The following CCDC73 variants were observed in gnomAD, a reference collection of about 807,000 sequenced individuals.
CCDC73 encodes the protein coiled-coil domain-containing protein 73.
In CCDC73, 95 loss-of-function variants were observed where a neutral mutation model predicts 116.5. The observed-to-expected ratio is 0.82, with a 90% CI of 0.69 to 0.97. CCDC73 has a LOEUF of 0.97. CCDC73 is among the 50% of genes least tolerant of loss of function. CCDC73 has a pLI of 0.00. For missense variants in CCDC73, 1,066 were observed against 1,206.8 expected (o/e 0.88, Z 1.73); for synonymous variants, 398 against 401.3 (o/e 0.99, Z 0.10).
chr11:32,665,483 C>T (rs1855971913), intron 9 of CCDC73, among the ~76,000 whole-genome samples: 3 of 152,072 alleles, frequency 2.0e-5, no homozygotes, highest in Non-Finnish European at 2.9e-5. Flanking sequence ...ATTGCAACCC[C>T]TGTCTTTTTT....
intron 14 of CCDC73, among the ~76,000 whole-genome samples, chr11:32,633,441 T>C (rs1012720558): frequency 2.0e-5 from 3 of 152,148 alleles, no homozygotes; most frequent in Non-Finnish European, 4.4e-5. Flanking sequence ...CCCAACTGGC[T>C]CTTTTGGGGT....
Position 32,792,534 on chromosome 11 carries a change from T to C in CCDC73, c.-16+2079A>G, listed in dbSNP as rs554251887. ...TTTTGGCCACAGAAACCTTTTTTTA[T>C]TGAAGCATCTCACAGGACTAGTGCT... On this transcript the variant is annotated intron_variant, in intron 1 of 17. Transcript: ENST00000335185. Among the ~76,000 whole-genome samples, 3 of 152,334 alleles carry C rather than the reference T, an allele frequency of 2.0e-5. No homozygotes were observed. The East Asian group carries it at 5.8e-4, about 29-fold the overall frequency.
At chr11:32,655,052 TTC>T in intron 9 of CCDC73, 80 bp from the exon 10 acceptor site, 1 of 510,442 alleles carries the variant, frequency 2.0e-6, no homozygotes. Context: ...AGTTTCAAAG[TTC>T]ATCCTTAAGC....
intron 14 of CCDC73, among the ~76,000 whole-genome samples, chr11:32,632,628 A>G (rs545529836): frequency 1.9e-3 from 283 of 152,116 alleles, no homozygotes; most frequent in African/African-American, 6.6e-3. Flanking sequence ...GTATGTGTGT[A>G]TAATTGTTCT....
At chr11:32,733,987 G>C (rs1850103262) in intron 2 of CCDC73, among the ~76,000 whole-genome samples, 1 of 152,112 alleles carries the variant, frequency 6.6e-6, no homozygotes, top group African/African-American at 2.4e-5. Flanking sequence ...CCAGGAGCTG[G>C]TTTTTTGAAA....
intron 17 of CCDC73, chr11:32,606,402 A>G (rs962736633): frequency 1.3e-5 from 2 of 152,236 alleles, no homozygotes; most frequent in African/African-American, 4.8e-5. Flanking sequence ...CAGCCTTTAC[A>G]ATATGCAAAG....
At chr11:32,732,479 A>G (rs1850087911) in intron 2 of CCDC73, among the ~76,000 whole-genome samples, 2 of 152,164 alleles carry the variant, frequency 1.3e-5, no homozygotes, top group South Asian at 4.1e-4. Context: ...GATTCACCAA[A>G]GTTGAAATGA....
intron 9 of CCDC73, among the ~76,000 whole-genome samples, chr11:32,669,958 C>T (rs1019093742): frequency 6.6e-6 from 1 of 152,114 alleles, no homozygotes. Context: ...ATACTGATTT[C>T]TTTTTCTTTG....
At chr11:32,633,095 C>T (rs553773241) in intron 14 of CCDC73, among the ~76,000 whole-genome samples, 29 of 152,282 alleles carry the variant, frequency 1.9e-4, no homozygotes, top group Admixed American at 4.6e-4. Flanking sequence ...CACTCTGTTG[C>T]CAGGCTGGAG....
the CCDC73 span, among the ~76,000 whole-genome samples, chr11:32,810,428 G>A: frequency 6.6e-6 from 1 of 152,134 alleles, no homozygotes; most frequent in Admixed American, 6.5e-5. Context: ...GGAAACTGAG[G>A]TTCAATTAGG....
At chr11:32,724,459 GT>G (rs1365528635) in intron 2 of CCDC73, among the ~76,000 whole-genome samples, 3 of 152,086 alleles carry the variant, frequency 2.0e-5, no homozygotes, top group Admixed American at 6.5e-5. Context: ...TTTATAAAAG[GT>G]TATCGAATTA....
At chr11:32,646,684 T>C (rs556771898) in intron 12 of CCDC73, among the ~76,000 whole-genome samples, 1 of 152,336 alleles carries the variant, frequency 6.6e-6, no homozygotes, top group African/African-American at 2.4e-5. Context: ...TTCATAATGA[T>C]ATGCATTGGT....
chr11:32,710,243 CT>C (rs1315232625), intron 3 of CCDC73, among the ~76,000 whole-genome samples: 2 of 151,910 alleles, frequency 1.3e-5, no homozygotes, highest in Non-Finnish European at 2.9e-5. Context: ...TTGGATTGTT[CT>C]TGTTTCTCCA....
rs114452236 is a variant in CCDC73 at position 32,757,531 on chromosome 11, A to G, written c.135+2578T>C. Among the ~76,000 whole-genome samples, 1,099 of 152,290 alleles carry G rather than the reference A, an allele frequency of 7.2e-3. 17 individuals are homozygous for G. The highest frequency in any genetic ancestry group is 0.025 in the African/African-American group (1,059 of 41,572). ...CAAATAACAACAAACTTAGTGGCTT[A>G]AAACAACTCAAATTTATTCTGTTGC... On this transcript the variant is annotated intron_variant, in intron 2 of 17. Coordinates refer to ENST00000335185, the MANE Select transcript of CCDC73 (RefSeq NM_001008391.4).
intron 6 of CCDC73, among the ~76,000 whole-genome samples, chr11:32,697,531 T>A (rs1856324856): frequency 7.0e-6 from 1 of 143,638 alleles, no homozygotes; most frequent in Admixed American, 7.4e-5. Flanking sequence ...TCACCCAGGC[T>A]GGAGTACAGT....
At chr11:32,661,105 G>C (rs924460413) in intron 9 of CCDC73, among the ~76,000 whole-genome samples, 3 of 152,090 alleles carry the variant, frequency 2.0e-5, no homozygotes, top group Non-Finnish European at 4.4e-5. Context: ...TTGGAGAAAG[G>C]GGAAGGCTGA....
Position 32,746,138 on chromosome 11 carries a change from C to T in CCDC73, c.135+13971G>A, listed in dbSNP as rs575209105. Reference sequence around the variant, plus strand: ...CAGGCCTGGTGGTGACAAAATCTCTCAGCATTTGCTTGTTTGTAAAGGATT... The same window carrying T: ...CAGGCCTGGTGGTGACAAAATCTCTTAGCATTTGCTTGTTTGTAAAGGATT... On this transcript the variant is annotated intron_variant, in intron 2 of 17. Coordinates refer to ENST00000335185, the MANE Select transcript of CCDC73 (RefSeq NM_001008391.4). 5.1e-4 allele frequency among the ~76,000 whole-genome samples: 78 copies of T among 152,284 alleles called. 1 individual carries two copies. Among genetic ancestry groups the T allele is most frequent in the African/African-American group, 2.6e-4 (11 of 41,570 alleles).
intron 12 of CCDC73, among the ~76,000 whole-genome samples, chr11:32,644,041 A>T (rs1393721500): frequency 6.6e-6 from 1 of 152,064 alleles, no homozygotes; most frequent in African/African-American, 2.4e-5. Context: ...ACTGAGACAC[A>T]TCATCACAGC....
intron 13 of CCDC73, among the ~76,000 whole-genome samples, chr11:32,637,019 T>TTC (rs1554962243): frequency 5.3e-5 from 7 of 132,054 alleles, no homozygotes; most frequent in Admixed American, 3.0e-4. Flanking sequence ...TTCTTTTTCT[T>TTC]TTTTTTTTTT....
Sources: gnomAD v4.1 joint callset for allele counts (sites outside exome capture counted in the v4.1 genomes callset) on GRCh38, gnomAD v4.1.1 for gene constraint, MANE v1.5 for transcripts, NCBI Gene and HGNC (gene_info 2026-07-23, HGNC 2026-07-21) for gene names.